The following ARHGEF38 variants were observed in gnomAD, a reference collection of about 807,000 sequenced individuals.
ARHGEF38 encodes Rho guanine nucleotide exchange factor 38.
In ARHGEF38, 79 loss-of-function variants were observed where a neutral mutation model predicts 79.9. The ratio of observed to expected loss-of-function variants is 0.99; its 90% confidence interval spans 0.82 to 1.19. The LOEUF is 1.19. Ranked by LOEUF, ARHGEF38 falls within the 50% of genes most tolerant of loss-of-function variation. The pLI is 0.00. For missense variants in ARHGEF38, 962 were observed against 907.2 expected (o/e 1.06, Z -0.78); for synonymous variants, 366 against 328.3 (o/e 1.11, Z -1.24).
chr4:105,666,581 A>G (rs1324019790), intron 11 of ARHGEF38, among the ~76,000 whole-genome samples: 6 of 152,202 alleles, frequency 3.9e-5, no homozygotes, highest in Non-Finnish European at 8.8e-5. Flanking sequence ...GAGGCACTCA[A>G]TAAATATTTG....
At chr4:105,597,242 T>C (rs1727622849) in intron 2 of ARHGEF38, among the ~76,000 whole-genome samples, 1 of 152,216 alleles carries the variant, frequency 6.6e-6, no homozygotes, top group Middle Eastern at 3.2e-3. Flanking sequence ...GATAGATAGA[T>C]AAATGAAGCT....
At chr4:105,610,241 T>C (rs1434355692) in intron 2 of ARHGEF38, among the ~76,000 whole-genome samples, 1 of 151,884 alleles carries the variant, frequency 6.6e-6, no homozygotes, top group Non-Finnish European at 1.5e-5. Context: ...ACTTAGAGGA[T>C]GGGTTAATAG....
intron 1 of ARHGEF38, among the ~76,000 whole-genome samples, chr4:105,583,909 G>T (rs1726913196): frequency 6.6e-6 from 1 of 151,872 alleles, no homozygotes. Flanking sequence ...TCATTTTATT[G>T]ATGTCTCTTT....
At chr4:105,648,044 C>A (rs930596808) in intron 6 of ARHGEF38, among the ~76,000 whole-genome samples, 12 of 151,978 alleles carry the variant, frequency 7.9e-5, no homozygotes, top group Non-Finnish European at 1.5e-4. Context: ...CACGCACCAC[C>A]ATGCCAGGCT....
At chr4:105,589,128 A>G in intron 1 of ARHGEF38, 120 bp from the exon 2 acceptor site, 1 of 741,024 alleles carries the variant, frequency 1.3e-6, no homozygotes, top group Non-Finnish European at 2.1e-6. Context: ...CTAAGAAAAC[A>G]TCATGAGGAT....
At chr4:105,665,789 T>C (rs540291952) in intron 10 of ARHGEF38, among the ~76,000 whole-genome samples, 2 of 152,274 alleles carry the variant, frequency 1.3e-5, no homozygotes, top group African/African-American at 4.8e-5. Flanking sequence ...TAGGAAGCAA[T>C]GTTGAAGAAT....
chr4:105,664,612 T>C (rs942284206), intron 10 of ARHGEF38, among the ~76,000 whole-genome samples: 1 of 152,248 alleles, frequency 6.6e-6, no homozygotes, highest in Non-Finnish European at 1.5e-5. Flanking sequence ...TTAGTCATGA[T>C]TCCAGTAGGA....
chr4:105,610,678 A>G (rs11936307), intron 2 of ARHGEF38, among the ~76,000 whole-genome samples: 1,916 of 152,170 alleles, frequency 0.013, 31 homozygotes, highest in African/African-American at 0.036. Context: ...ATGGGCTCAT[A>G]GTGATATGGG....
chr4:105,640,148 C>A (rs1480109364), intron 5 of ARHGEF38, among the ~76,000 whole-genome samples: 1 of 152,030 alleles, frequency 6.6e-6, no homozygotes. Context: ...CTACACACAA[C>A]AAACACACAC....
chr4:105,602,696 G>A (rs1007221674), intron 2 of ARHGEF38, among the ~76,000 whole-genome samples: 4 of 152,056 alleles, frequency 2.6e-5, no homozygotes, highest in African/African-American at 4.8e-5. Flanking sequence ...CAGGGCTCAC[G>A]CTTGTTTCCA....
At chr4:105,590,867 A>G (rs1366926805) in intron 2 of ARHGEF38, among the ~76,000 whole-genome samples, 2 of 152,112 alleles carry the variant, frequency 1.3e-5, no homozygotes, top group Non-Finnish European at 2.9e-5. Flanking sequence ...ATATCTTCTC[A>G]TATATTCATT....
Position 105,611,319 on chromosome 4 carries a change from T to A in ARHGEF38, c.385-2065T>A, listed in dbSNP as rs190246947. ...AAAAATGATTTTAAGAAATATACAA[T>A]CAGTAAATTTGAACTAAACCAATTT... On this transcript the variant is annotated intron_variant, in intron 2 of 13. Coordinates refer to ENST00000420470, the MANE Select transcript of ARHGEF38 (RefSeq NM_001242729.2). 1.3e-3 allele frequency among the ~76,000 whole-genome samples: 203 copies of A among 152,222 alleles called. 1 individual carries two copies. Among genetic ancestry groups the A allele is most frequent in the Non-Finnish European group, 2.4e-3 (160 of 67,990 alleles).
At chr4:105,582,164 C>CAAAT (rs531129454) in intron 1 of ARHGEF38, among the ~76,000 whole-genome samples, 1 of 118,284 alleles carries the variant, frequency 8.5e-6, no homozygotes, top group Non-Finnish European at 1.7e-5. Flanking sequence ...GACTCCGTCT[C>CAAAT]AAAAAAAAAA....
Position 105,667,128 on chromosome 4 carries a change from G to C in ARHGEF38, c.1690-1G>C. ...CCAAAACTTCTCCTTATTTCTCCCA[G>C]CCAGAAATGCCACATCAAACTGACA... On this transcript the variant is annotated splice_acceptor_variant, in intron 11 of 13. Coordinates refer to ENST00000420470, the MANE Select transcript of ARHGEF38 (RefSeq NM_001242729.2). LOFTEE classifies it high-confidence loss of function. 1 of 1,528,668 alleles carries C rather than the reference G, an allele frequency of 6.5e-7. No individual in the cohort carries two copies. Among genetic ancestry groups the C allele is most frequent in the South Asian group, 1.2e-5 (1 of 83,196 alleles). 94.7% of individuals were successfully genotyped at this position (1,528,668 alleles called of 1,614,324 possible).
intron 2 of ARHGEF38, among the ~76,000 whole-genome samples, chr4:105,606,089 G>A (rs1211985647): frequency 2.0e-5 from 3 of 152,100 alleles, no homozygotes; most frequent in African/African-American, 7.2e-5. Flanking sequence ...TACAGAAGGA[G>A]TAGAGGGCAC....
chr4:105,579,220 A>C (rs866650298), intron 1 of ARHGEF38, among the ~76,000 whole-genome samples: 1 of 152,030 alleles, frequency 6.6e-6, no homozygotes, highest in Middle Eastern at 3.2e-3. Context: ...GATCCCATTT[A>C]TTTCTTTCTG....
At chr4:105,553,457 A>G (rs984199076) in intron 1 of ARHGEF38, among the ~76,000 whole-genome samples, 15 of 152,352 alleles carry the variant, frequency 9.8e-5, no homozygotes, top group African/African-American at 3.6e-4. Flanking sequence ...GGAATGTTAT[A>G]GTCAGAGAGA....
chr4:105,570,837 A>G (rs1043157362), intron 1 of ARHGEF38, among the ~76,000 whole-genome samples: 1 of 152,198 alleles, frequency 6.6e-6, no homozygotes, highest in South Asian at 2.1e-4. Context: ...TGATAACATG[A>G]TATAACATCA....
At chr4:105,681,197 A>G (rs1017216778), downstream of ARHGEF38, among the ~76,000 whole-genome samples, 12 of 152,094 alleles carry the variant, frequency 7.9e-5, no homozygotes, top group African/African-American at 2.7e-4. Flanking sequence ...CATAATTGAG[A>G]TAATGGATTA....
Sources: allele counts gnomAD v4.1 joint callset (sites outside exome capture counted in the v4.1 genomes callset), GRCh38; gene constraint gnomAD v4.1.1; transcripts MANE v1.5; gene names NCBI Gene and HGNC (gene_info 2026-07-23, HGNC 2026-07-21).